LMBR1: variants seen among roughly 807,000 people sequenced by gnomAD.
LMBR1 encodes limb development membrane protein 1.
LMBR1 carries 52 observed loss-of-function variants against 73.9 expected under a neutral mutation model. The observed-to-expected ratio is 0.70, with a 90% CI of 0.56 to 0.89. LMBR1 has a LOEUF of 0.89. Among genes scored for constraint, LMBR1 ranks in the 40% least tolerant of loss-of-function variants. The probability of loss-of-function intolerance (pLI) is 0.00; values close to 1 mark genes in which losing one functional copy is unlikely to be tolerated. For missense variants in LMBR1, 539 were observed against 579.8 expected, an observed-to-expected ratio of 0.93 and a Z score of 0.72; for synonymous variants, 215 against 209.4, an observed-to-expected ratio of 1.03 and a Z score of -0.23.
chr7:156,762,853 G>GTGTGTGTGTT (rs1823348389), intron 7 of LMBR1, among the ~76,000 whole-genome samples: 2 of 150,826 alleles, frequency 1.3e-5, no homozygotes, highest in African/African-American at 4.9e-5. Context: ...GTGAGTGTGT[G>GTGTGTGTGTT]TGTGTGTGTG....
At chr7:156,806,397 G>A (rs543531869) in intron 4 of LMBR1, among the ~76,000 whole-genome samples, 2 of 151,928 alleles carry the variant, frequency 1.3e-5, no homozygotes, top group East Asian at 1.9e-4. Context: ...CAGAATTTCC[G>A]CATAGAAAAT....
At position 156,764,717 on chromosome 7, in the gene LMBR1, CACTT is replaced by C. The variant is rs1823774611; in HGVS notation, c.424-926_424-923del. Among the ~76,000 whole-genome samples the C allele has an allele frequency of 2.0e-5, 3 of 152,260 alleles. 1 individual carries two copies. The South Asian group carries it at 6.2e-4, about 32-fold the overall frequency. On this transcript the variant is annotated intron_variant, in intron 5 of 16. Transcript: ENST00000353442. ...ATGAGTTATAAAATTCCAAAACATA[CACTT>C]ATTTCAATTTTGTCCTAAGTATTAC...
Position 156,781,233 on chromosome 7 carries a change from G to A in LMBR1, c.423+15156C>T, listed in dbSNP as rs1827082314. ...AAAAGCAATGCCACGTGACAATTTA[G>A]GTAATAACATCATATTGCTTATGTG... On this transcript the variant is annotated intron_variant, in intron 5 of 16. Coordinates refer to ENST00000353442, the MANE Select transcript of LMBR1 (RefSeq NM_022458.4). Among the ~76,000 whole-genome samples the A allele has an allele frequency of 2.0e-5, 3 of 152,250 alleles. No homozygotes were observed. The South Asian group carries it at 6.2e-4, about 32-fold the overall frequency.
intron 5 of LMBR1, among the ~76,000 whole-genome samples, chr7:156,785,817 T>C (rs1827970260): frequency 6.6e-6 from 1 of 152,146 alleles, no homozygotes; most frequent in Admixed American, 6.5e-5. Context: ...AGCTAACAGG[T>C]AGAAGAGGAG....
rs140707185 is a variant in LMBR1, at chr7:156,875,410, G to A, written c.66+17518C>T. 9.2e-5 allele frequency among the ~76,000 whole-genome samples: 14 copies of A among 152,310 alleles called. No individual in the cohort carries two copies. In the East Asian group the frequency reaches 2.7e-3, roughly 29 times the overall value. On this transcript the variant is annotated intron_variant, in intron 1 of 16. Coordinates refer to ENST00000353442, the MANE Select transcript of LMBR1 (RefSeq NM_022458.4). ...AAAACATATTTGGAGGAATAACTGA[G>A]GAAAATTTCCCGGGCCTTGCTAGAG...
Position 156,836,834 on chromosome 7 carries a change from T to C in LMBR1, c.118A>G (p.Thr40Ala). ...ILYVVSYFII[T>A]RYKRKSDEQE... The stretch of plus-strand genomic sequence containing the variant: ...TTGCCTGATTTTCTCTTGTATCTTG[T>C]GATGATGAAGTAGGAAACAACGTAG... Residue 40 changes from threonine (T) to alanine (A), a missense_variant, in exon 2 of 17, where the codon ACA becomes GCA. By Grantham distance (58) the Thr-to-Ala change is moderately conservative. Transcript: ENST00000353442. The C allele has an allele frequency of 6.3e-7, 1 of 1,579,400 alleles. No individual in the cohort carries two copies. The highest frequency in any genetic ancestry group is 8.6e-7 in the Non-Finnish European group (1 of 1,158,742).
downstream of LMBR1, chr7:156,676,004 T>C: frequency 1.3e-6 from 1 of 792,382 alleles, no homozygotes; most frequent in Non-Finnish European, 1.8e-6. Flanking sequence ...GTGGAGGCTG[T>C]GGGGGTGGCA....
At chr7:156,686,419 A>T (rs1214557466) in intron 16 of LMBR1, among the ~76,000 whole-genome samples, 1 of 152,220 alleles carries the variant, frequency 6.6e-6, no homozygotes, top group Non-Finnish European at 1.5e-5. Context: ...CTACTTTACA[A>T]TCAAATTACA....
chr7:156,734,691 G>A (rs544987020), intron 9 of LMBR1, among the ~76,000 whole-genome samples: 5 of 152,160 alleles, frequency 3.3e-5, no homozygotes, highest in East Asian at 1.9e-4. Flanking sequence ...ATTTCTTAAC[G>A]TGGTAAAGTT....
chr7:156,874,976 CAGA>C (rs1407441144), intron 1 of LMBR1, among the ~76,000 whole-genome samples: 1 of 152,100 alleles, frequency 6.6e-6, no homozygotes, highest in Non-Finnish European at 1.5e-5. Context: ...AAAAATAATT[CAGA>C]AGATCAGTTA....
intron 1 of LMBR1, among the ~76,000 whole-genome samples, chr7:156,845,010 T>C (rs754884175): frequency 2.6e-5 from 4 of 152,198 alleles, no homozygotes; most frequent in Admixed American, 6.5e-5. Flanking sequence ...TTAAGGCCTA[T>C]CGGCTTCAAC....
At chr7:156,857,783 C>T (rs1028256467) in intron 1 of LMBR1, among the ~76,000 whole-genome samples, 2 of 152,020 alleles carry the variant, frequency 1.3e-5, no homozygotes, top group Non-Finnish European at 2.9e-5. Context: ...TAGAATTAAA[C>T]TATAAATCAG....
intron 4 of LMBR1, chr7:156,823,988 G>T (rs1349983799): frequency 6.6e-6 from 1 of 152,254 alleles, no homozygotes; most frequent in African/African-American, 2.4e-5. Flanking sequence ...TACTTAGGAG[G>T]CTGAGGCAGG....
At chr7:156,772,479 G>A (rs1825382658) in intron 5 of LMBR1, among the ~76,000 whole-genome samples, 1 of 152,126 alleles carries the variant, frequency 6.6e-6, no homozygotes, top group Admixed American at 6.6e-5. Flanking sequence ...ACCGTAACAA[G>A]ACAAGGATGC....
chr7:156,763,269 A>G, intron 6 of LMBR1, 93 bp from the exon 7 acceptor site: 1 of 556,908 alleles, frequency 1.8e-6, no homozygotes, highest in Non-Finnish European at 3.1e-6. Context: ...GGCTGACTGT[A>G]CCTCATGTAA....
At position 156,682,271 on chromosome 7, in the gene LMBR1, T is replaced by C. The variant is rs951279577; in HGVS notation, c.*1807A>G. 1.3e-5 allele frequency: 2 copies of C among 151,816 alleles called. No homozygotes were observed. The highest frequency in any genetic ancestry group is 2.1e-4 in the South Asian group (1 of 4,820). 9.4% of individuals were successfully genotyped at this position (151,816 alleles called of 1,614,324 possible). ...CATTTTCCAAGTATCTAGGAACTCT[T>C]TGGATGTGCCTGAAAGTGGTGTAAG... On this transcript the variant is annotated 3_prime_UTR_variant, in exon 17 of 17. Transcript: ENST00000353442.
rs376668159 is a variant in LMBR1 at position 156,892,698 on chromosome 7, CG to C, written c.66+229del. 0.35 allele frequency: 118,053 copies of C among 338,208 alleles called. 22,038 individuals are homozygous for C. The highest frequency in any genetic ancestry group is 0.53 in the East Asian group (10,319 of 19,480). The allele number at this position is 338,208 out of a possible 1,614,324, so 21.0% of individuals were successfully genotyped here. A position where few individuals can be genotyped will look rare whatever the true frequency, so the allele number is the denominator to read the frequency against. On this transcript the variant is annotated intron_variant, in intron 1 of 16. Coordinates refer to ENST00000353442, the MANE Select transcript of LMBR1 (RefSeq NM_022458.4). Reference sequence around the variant, plus strand: ...GGGGGCAGGGGAGGCAAGAGCGGAGCGGGGGGGCAGGCAGAGGAAGCGAAGG... The same window carrying C: ...GGGGGCAGGGGAGGCAAGAGCGGAGCGGGGGGCAGGCAGAGGAAGCGAAGG...
At chr7:156,772,250 G>A (rs1241329974) in intron 5 of LMBR1, among the ~76,000 whole-genome samples, 3 of 152,120 alleles carry the variant, frequency 2.0e-5, no homozygotes, top group Non-Finnish European at 4.4e-5. Context: ...CTCCAGCCTG[G>A]GTGACAGAGC....
chr7:156,795,476 G>A (rs1829917117), intron 5 of LMBR1, among the ~76,000 whole-genome samples: 1 of 152,172 alleles, frequency 6.6e-6, no homozygotes, highest in Admixed American at 6.5e-5. Context: ...TCTGTTGAAT[G>A]AATGAATATC....
Sources: gnomAD v4.1 joint callset for allele counts (sites outside exome capture counted in the v4.1 genomes callset) on GRCh38, gnomAD v4.1.1 for gene constraint, MANE v1.5 for transcripts, NCBI Gene and HGNC (gene_info 2026-07-23, HGNC 2026-07-21) for gene names.